Variants in TRAPPC13 observed in about 807,000 individuals in gnomAD.
The protein encoded by TRAPPC13 is trafficking protein particle complex subunit 13, also known as REV7-interacting novel NHEJ regulator 1.
Under a neutral mutation model 54.0 loss-of-function variants are expected in TRAPPC13, and 39 were observed. The ratio of observed to expected loss-of-function variants is 0.72; its 90% CI spans 0.56 to 0.94. The LOEUF is 0.94. Ranked by LOEUF, TRAPPC13 falls within the 40% of genes least tolerant of loss-of-function variation. TRAPPC13 has a pLI of 0.00. For missense variants in TRAPPC13, 386 were observed against 488.1 expected (o/e 0.79, Z 1.97); for synonymous variants, 148 against 167.7 (o/e 0.88, Z 0.91).
Position 65,660,775 on chromosome 5 carries a change from A to G in TRAPPC13, c.775A>G (p.Asn259Asp), listed in dbSNP as rs1437498361. The G allele has an allele frequency of 3.7e-6, 6 of 1,613,636 alleles. No individual in the cohort carries two copies. Among genetic ancestry groups the G allele is most frequent in the Non-Finnish European group, 5.1e-6 (6 of 1,179,772 alleles). The change falls in exon 10 of 13, where the codon AAT (asparagine) becomes GAT (aspartate). Residue 259 changes from asparagine (N) to aspartate (D), a missense_variant. Coordinates refer to ENST00000399438, the MANE Select transcript of TRAPPC13 (RefSeq NM_024941.4). ...GTACTTATACTGCCTAAAGCCAAAG[A>G]ATGAATTTGCAGAAAAAGCAGGCAT... ...RQYLYCLKPK[N>D]EFAEKAGIIK...
intron 1 of TRAPPC13, among the ~76,000 whole-genome samples, chr5:65,626,868 G>C (rs1755258784): frequency 6.6e-6 from 1 of 152,044 alleles, no homozygotes; most frequent in Non-Finnish European, 1.5e-5. Context: ...CCTAAGCCAG[G>C]CGTGGTGGCT....
intron 1 of TRAPPC13, among the ~76,000 whole-genome samples, chr5:65,628,732 A>G (rs915953821): frequency 6.6e-5 from 10 of 151,992 alleles, no homozygotes; most frequent in African/African-American, 2.2e-4. Context: ...GGCCCCCATA[A>G]AGTTCTGGGA....
In TRAPPC13 at chr5:65,636,046, A is replaced by G. The variant is rs1261924407; in HGVS notation, c.215+3A>G. On this transcript the variant is annotated splice_donor_region_variant and intron_variant, in intron 3 of 12. Coordinates refer to ENST00000399438, the MANE Select transcript of TRAPPC13 (RefSeq NM_024941.4). ...CTGACTTTACCACAGAATTTTGGGT[A>G]AGAATGACATATTCACATAAGAAAC... The G allele has an allele frequency of 1.1e-5, 18 of 1,567,626 alleles. No homozygotes were observed. The highest frequency in any genetic ancestry group is 1.5e-5 in the Non-Finnish European group (17 of 1,148,708).
At chr5:65,658,188 G>A in intron 8 of TRAPPC13, 180 bp from the exon 9 acceptor site, 1 of 519,288 alleles carries the variant, frequency 1.9e-6, no homozygotes, top group Non-Finnish European at 3.2e-6. Context: ...CTTTGCCCCT[G>A]TTAATTATGA....
rs182994295 is a variant in TRAPPC13 at position 65,652,869 on chromosome 5, C to T, written c.546+324C>T. The stretch of plus-strand genomic sequence containing the variant: ...ATCTGTTGAATATTTACATGTGGTT[C>T]GGGATTTTACAAAAATTGAATTAGT... On this transcript the variant is annotated intron_variant, in intron 7 of 12. Transcript: ENST00000399438. 2.7e-3 allele frequency: 865 copies of T among 315,042 alleles called. 2 individuals are homozygous for T. The highest frequency in any genetic ancestry group is 5.4e-3 in the Middle Eastern group (5 of 932). 19.5% of individuals were successfully genotyped at this position (315,042 alleles called of 1,614,324 possible). A position where few individuals can be genotyped will look rare whatever the true frequency, so the allele number is the denominator to read the frequency against.
intron 1 of TRAPPC13, among the ~76,000 whole-genome samples, chr5:65,628,068 T>C (rs894666150): frequency 6.6e-6 from 1 of 152,204 alleles, no homozygotes; most frequent in Non-Finnish European, 1.5e-5. Context: ...AAAGTCTGTT[T>C]TATGGCTCTT....
At chr5:65,627,625 CA>C (rs77913020) in intron 1 of TRAPPC13, among the ~76,000 whole-genome samples, 13,784 of 120,184 alleles carry the variant, frequency 0.11, 627 homozygotes, top group African/African-American at 0.16. Context: ...GACTCTGTCT[CA>C]AAAAAAAAAA....
chr5:65,662,005 G>C, intron 10 of TRAPPC13, 45 bp from the exon 11 acceptor site: 1 of 1,430,824 alleles, frequency 7.0e-7, no homozygotes, highest in African/African-American at 1.5e-5. Context: ...AAAATGGAAA[G>C]GTTTTGTGAT....
intron 9 of TRAPPC13, 93 bp downstream of exon 9, chr5:65,658,594 G>T: frequency 8.8e-7 from 1 of 1,139,086 alleles, no homozygotes; most frequent in East Asian, 3.0e-5. Context: ...TTTTTTAATA[G>T]ACTTTTTTTA....
chr5:65,658,649 C>T, intron 9 of TRAPPC13, 148 bp downstream of exon 9: 1 of 492,384 alleles, frequency 2.0e-6, no homozygotes. Flanking sequence ...AGTAGAGTTT[C>T]CACATACCCT....
intron 7 of TRAPPC13, among the ~76,000 whole-genome samples, chr5:65,653,324 A>ACTGTAGTAG (rs1756540257): frequency 6.6e-6 from 1 of 152,106 alleles, no homozygotes; most frequent in Non-Finnish European, 1.5e-5. Flanking sequence ...TTTTGAAATG[A>ACTGTAGTAG]AGATTATATC....
At chr5:65,628,797 G>A (rs914717471) in intron 1 of TRAPPC13, among the ~76,000 whole-genome samples, 2 of 151,328 alleles carry the variant, frequency 1.3e-5, no homozygotes, top group African/African-American at 4.9e-5. Context: ...AGTATAAAAT[G>A]ATTAATTTTC....
intron 1 of TRAPPC13, among the ~76,000 whole-genome samples, chr5:65,631,573 G>C (rs997213445): frequency 6.6e-6 from 1 of 151,962 alleles, no homozygotes; most frequent in Non-Finnish European, 1.5e-5. Flanking sequence ...TCTGTTTTTT[G>C]TGTCCATGTA....
chr5:65,634,064 C>T (rs936593903), intron 1 of TRAPPC13, among the ~76,000 whole-genome samples: 3 of 146,606 alleles, frequency 2.0e-5, no homozygotes, highest in Non-Finnish European at 4.4e-5. Flanking sequence ...CGGCTCACTG[C>T]AACCTCCGCC....
chr5:65,650,793 A>G lies in TRAPPC13; in HGVS notation c.429-17A>G, dbSNP rs746219312. On this transcript the variant is annotated splice_polypyrimidine_tract_variant and intron_variant, in intron 5 of 12. Transcript: ENST00000399438. Reference sequence around the variant, plus strand: ...TTAAAAATGACTCAGAATCGTTAAGACATCTTTCTGTTTCAGCTTGGTATG... The same window carrying G: ...TTAAAAATGACTCAGAATCGTTAAGGCATCTTTCTGTTTCAGCTTGGTATG... The G allele has an allele frequency of 8.1e-6, 13 of 1,605,646 alleles. No homozygotes were observed. In the Admixed American group the frequency reaches 2.0e-4, roughly 25 times the overall value.
intron 1 of TRAPPC13, among the ~76,000 whole-genome samples, chr5:65,627,131 CAAAAAAAAA>C (rs60169195): frequency 1.5e-4 from 5 of 32,580 alleles, no homozygotes; most frequent in Admixed American, 1.3e-3. Context: ...GACCCTGTCT[CAAAAAAAAA>C]AAAAAAAAAA....
At chr5:65,641,486 T>C (rs1049686476) in intron 4 of TRAPPC13, among the ~76,000 whole-genome samples, 1 of 152,072 alleles carries the variant, frequency 6.6e-6, no homozygotes, top group Non-Finnish European at 1.5e-5. Context: ...GGAGGAGCCC[T>C]TGAATCCAGG....
At chr5:65,635,439 G>A (rs1755712164) in intron 2 of TRAPPC13, 70 bp downstream of exon 2, 1 of 1,245,074 alleles carries the variant, frequency 8.0e-7, no homozygotes, top group Admixed American at 1.8e-5. Context: ...CATTACCTTG[G>A]ACTAAGCCTA....
intron 4 of TRAPPC13, among the ~76,000 whole-genome samples, chr5:65,645,178 A>G (rs1238946139): frequency 1.5e-5 from 2 of 133,636 alleles, no homozygotes; most frequent in African/African-American, 5.6e-5. Flanking sequence ...AGCCTGGGCA[A>G]CAAGAGTGAA....
Sources: allele counts gnomAD v4.1 joint callset (sites outside exome capture counted in the v4.1 genomes callset), GRCh38; gene constraint gnomAD v4.1.1; transcripts MANE v1.5; gene names NCBI Gene and HGNC (gene_info 2026-07-23, HGNC 2026-07-21).